The following ITPR1 variants were observed in gnomAD, a reference collection of about 807,000 sequenced individuals.
ITPR1 encodes the protein inositol 1,4,5-trisphosphate receptor type 1.
Under a neutral mutation model 318.4 loss-of-function variants are expected in ITPR1, and 96 were observed. The ratio of observed to expected loss-of-function variants is 0.30; its 90% CI spans 0.26 to 0.36. ITPR1 has a LOEUF of 0.36. ITPR1 is among the 10% of genes least tolerant of loss of function. ITPR1 has a pLI of 1.00. For missense variants in ITPR1, 2,440 were observed against 3,460.2 expected (o/e 0.71, Z 7.40); for synonymous variants, 1,312 against 1,289.9 (o/e 1.02, Z -0.37).
chr3:4,661,324 G>T (rs2093828266), intron 14 of ITPR1, among the ~76,000 whole-genome samples: 2 of 152,200 alleles, frequency 1.3e-5, no homozygotes, highest in African/African-American at 4.8e-5. Context: ...CTGCCATAAT[G>T]GTTGAGCAAT....
chr3:4,810,759 A>G (rs113743423), intron 55 of ITPR1, among the ~76,000 whole-genome samples: 3 of 152,218 alleles, frequency 2.0e-5, no homozygotes, highest in African/African-American at 7.2e-5. Flanking sequence ...GCCCGAGATC[A>G]TACGGTGGAC....
At position 4,619,760 on chromosome 3, in the gene ITPR1, C is replaced by G. The variant is rs62637209; in HGVS notation, c.164-8003C>G. Among the ~76,000 whole-genome samples, 37 of 15,068 alleles carry G rather than the reference C, an allele frequency of 2.5e-3. 4 individuals carry two copies. Among genetic ancestry groups the G allele is most frequent in the South Asian group, 6.3e-3 (2 of 318 alleles). The allele number at this position is 15,068 out of a possible 152,430, so 9.9% of individuals were successfully genotyped here. A position where few individuals can be genotyped will look rare whatever the true frequency, so the allele number is the denominator to read the frequency against. On this transcript the variant is annotated intron_variant, in intron 4 of 61. Coordinates refer to ENST00000649015, the MANE Select transcript of ITPR1 (RefSeq NM_001378452.1). Reference sequence around the variant, plus strand: ...CCCCTGCTCTCCTCTGCCCTCCCCTCCTCTCTTCTGCCCTCCCCTGCTCTC... The same window carrying G: ...CCCCTGCTCTCCTCTGCCCTCCCCTGCTCTCTTCTGCCCTCCCCTGCTCTC...
At chr3:4,624,067 T>C (rs191170244) in intron 4 of ITPR1, among the ~76,000 whole-genome samples, 1 of 152,328 alleles carries the variant, frequency 6.6e-6, no homozygotes, top group African/African-American at 2.4e-5. Flanking sequence ...AGTTGTAAAA[T>C]GCTTTCCATT....
chr3:4,579,023 G>T (rs980777234), intron 4 of ITPR1, among the ~76,000 whole-genome samples: 2 of 152,050 alleles, frequency 1.3e-5, no homozygotes, highest in African/African-American at 4.8e-5. Context: ...TTGCTTCCAG[G>T]CGAGGCTGTT....
chr3:4,661,794 C>T (rs1180415519), intron 14 of ITPR1, among the ~76,000 whole-genome samples: 1 of 152,154 alleles, frequency 6.6e-6, no homozygotes, highest in East Asian at 1.9e-4. Flanking sequence ...TATTTACAAA[C>T]ATCTTCTTTA....
At chr3:4,692,097 C>T (rs1398731368) in intron 32 of ITPR1, among the ~76,000 whole-genome samples, 1 of 151,662 alleles carries the variant, frequency 6.6e-6, no homozygotes, top group Non-Finnish European at 1.5e-5. Context: ...GCTATGATGG[C>T]ACCCACTGCA....
rs1479454275 is a variant in ITPR1 at position 4,660,152 on chromosome 3, G to A, written c.1152-836G>A. Among the ~76,000 whole-genome samples the A allele has an allele frequency of 1.5e-4, 23 of 152,184 alleles. No individual in the cohort carries two copies. The East Asian group carries it at 4.4e-3, about 29-fold the overall frequency. Reference sequence around the variant, plus strand: ...CTTCCCTAAGCTCTTGTTGAGACTGGGTTTTAGATCTTTGGAATATGATAC... The same window carrying A: ...CTTCCCTAAGCTCTTGTTGAGACTGAGTTTTAGATCTTTGGAATATGATAC... On this transcript the variant is annotated intron_variant, in intron 13 of 61. Coordinates refer to ENST00000649015, the MANE Select transcript of ITPR1 (RefSeq NM_001378452.1).
rs962018310 is a variant in ITPR1, at chr3:4,645,374, A to G, written c.625-13A>G. The G allele has an allele frequency of 3.1e-6, 5 of 1,595,818 alleles. No homozygotes were observed. Among genetic ancestry groups the G allele is most frequent in the Non-Finnish European group, 3.4e-6 (4 of 1,164,222 alleles). On this transcript the variant is annotated splice_polypyrimidine_tract_variant and intron_variant, in intron 8 of 61. Coordinates refer to ENST00000649015, the MANE Select transcript of ITPR1 (RefSeq NM_001378452.1). ...AGGGGTACGTGAAAAAATAACTCGA[A>G]TCTGTGTTTCAGGTCAATTCCGTCA... is the stretch of plus-strand genomic sequence containing the variant.
chr3:4,794,331 G>C (rs1379255966), intron 52 of ITPR1, among the ~76,000 whole-genome samples: 1 of 152,192 alleles, frequency 6.6e-6, no homozygotes, highest in East Asian at 1.9e-4. Context: ...AAGCGTCTCT[G>C]TCTCTTGCCC....
intron 4 of ITPR1, among the ~76,000 whole-genome samples, chr3:4,619,069 A>G (rs1380185407): frequency 6.6e-6 from 1 of 152,212 alleles, no homozygotes; most frequent in Non-Finnish European, 1.5e-5. Flanking sequence ...CTTTTTAGTC[A>G]GTGTTTTTAA....
chr3:4,507,131 AG>A (rs1258461095), intron 2 of ITPR1, among the ~76,000 whole-genome samples: 4 of 142,980 alleles, frequency 2.8e-5, no homozygotes, highest in African/African-American at 7.8e-5. Context: ...AATCACTTTG[AG>A]GTCTGGTTTC....
Position 4,669,789 on chromosome 3 carries a change from G to T in ITPR1, c.2006+16G>T. 8 of 1,597,594 alleles carry T rather than the reference G, an allele frequency of 5.0e-6. No homozygotes were observed. Among genetic ancestry groups the T allele is most frequent in the Non-Finnish European group, 6.8e-6 (8 of 1,170,426 alleles). The stretch of plus-strand genomic sequence containing the variant: ...TTGAGACCAAGTGAGTGGGGAGCCA[G>T]GGTTTAGATGGAAAACATGGGGTTC... On this transcript the variant is annotated intron_variant, in intron 19 of 61. Coordinates refer to ENST00000649015, the MANE Select transcript of ITPR1 (RefSeq NM_001378452.1).
chr3:4,709,582 C>A (rs2094828650), intron 37 of ITPR1, among the ~76,000 whole-genome samples: 1 of 152,246 alleles, frequency 6.6e-6, no homozygotes, highest in Non-Finnish European at 1.5e-5. Context: ...CAGGCTTTAG[C>A]ATCTTTTGAA....
At chr3:4,813,079 C>CT in intron 56 of ITPR1, 63 bp from the exon 57 acceptor site, 1 of 1,215,910 alleles carries the variant, frequency 8.2e-7, no homozygotes, top group Non-Finnish European at 1.2e-6. Context: ...GAATTGGGGA[C>CT]TTCAAACATT....
intron 54 of ITPR1, among the ~76,000 whole-genome samples, chr3:4,800,866 A>T (rs1474894708): frequency 6.6e-6 from 1 of 152,190 alleles, no homozygotes; most frequent in Non-Finnish European, 1.5e-5. Context: ...TAGGCAGAAA[A>T]AGTGGTAGTG....
At chr3:4,698,305 A>G (rs532796113) in intron 34 of ITPR1, among the ~76,000 whole-genome samples, 2 of 152,156 alleles carry the variant, frequency 1.3e-5, no homozygotes, top group South Asian at 4.1e-4. Flanking sequence ...ACAGAAGCCT[A>G]TAAGAACTTA....
chr3:4,801,488 G>T (rs565710653), intron 54 of ITPR1, among the ~76,000 whole-genome samples: 26 of 152,174 alleles, frequency 1.7e-4, no homozygotes, highest in Admixed American at 3.9e-4. Context: ...GGAGGGCCAG[G>T]CTCGGTGGCT....
chr3:4,837,811 C>T (rs1442886496), intron 61 of ITPR1, among the ~76,000 whole-genome samples: 1 of 152,040 alleles, frequency 6.6e-6, no homozygotes. Flanking sequence ...GGTGAGAAGA[C>T]CCTGATTGGT....
intron 4 of ITPR1, among the ~76,000 whole-genome samples, chr3:4,552,155 T>C (rs1316748750): frequency 2.0e-5 from 3 of 152,218 alleles, no homozygotes; most frequent in African/African-American, 7.2e-5. Flanking sequence ...TCAACACAGA[T>C]TTCTGTGACA....
Sources: allele counts gnomAD v4.1 joint callset (sites outside exome capture counted in the v4.1 genomes callset), GRCh38; gene constraint gnomAD v4.1.1; transcripts MANE v1.5; gene names NCBI Gene and HGNC (gene_info 2026-07-23, HGNC 2026-07-21).